CNOT6: variants seen among roughly 807,000 people sequenced by gnomAD.
The protein encoded by CNOT6 is CCR4-NOT transcription complex subunit 6, also known as carbon catabolite repression 4 protein.
A neutral mutation model predicts 61.2 loss-of-function variants in CNOT6; 12 were observed. The ratio of observed to expected loss-of-function variants is 0.20; its 90% CI spans 0.13 to 0.32. The LOEUF is 0.32. Ranked by LOEUF, CNOT6 falls within the 10% of genes least tolerant of loss-of-function variation. The pLI, the probability that CNOT6 is intolerant of heterozygous loss-of-function variation, is 1.00. For missense variants in CNOT6, 405 were observed against 663.9 expected (o/e 0.61, Z 4.28); for synonymous variants, 225 against 240.6 (o/e 0.94, Z 0.60).
chr5:180,510,486 T>G (rs1490218310), intron 1 of CNOT6, among the ~76,000 whole-genome samples: 1 of 152,130 alleles, frequency 6.6e-6, no homozygotes, highest in African/African-American at 2.4e-5. Flanking sequence ...TAAGTGGGTT[T>G]GTTTATACTA....
At chr5:180,500,385 T>C (rs970745248) in intron 1 of CNOT6, among the ~76,000 whole-genome samples, 7 of 152,080 alleles carry the variant, frequency 4.6e-5, no homozygotes, top group Admixed American at 3.9e-4. Flanking sequence ...GTGCTAGGTT[T>C]ATAGGTGTGA....
intron 1 of CNOT6, among the ~76,000 whole-genome samples, chr5:180,520,555 T>C (rs1757834445): frequency 6.6e-6 from 1 of 151,878 alleles, no homozygotes; most frequent in Non-Finnish European, 1.5e-5. Flanking sequence ...GGCAGGAGAA[T>C]CGCTTGAACC....
In CNOT6 at chr5:180,568,546, C is replaced by T. The variant is rs143440465; in HGVS notation, c.1027+543C>T. The stretch of plus-strand genomic sequence containing the variant: ...CAACCTGGGTGACAGAGTGAGACTC[C>T]TCAAAAAATAAATAAATAAATAAAT... On this transcript the variant is annotated intron_variant, in intron 9 of 11. Transcript: ENST00000261951. Among the ~76,000 whole-genome samples, 1,045 of 150,082 alleles carry T rather than the reference C, an allele frequency of 7.0e-3. 13 individuals are homozygous for T. Among genetic ancestry groups the T allele is most frequent in the African/African-American group, 0.024 (999 of 40,992 alleles).
At chr5:180,501,520 T>G (rs1264260528) in intron 1 of CNOT6, among the ~76,000 whole-genome samples, 1 of 152,208 alleles carries the variant, frequency 6.6e-6, no homozygotes, top group East Asian at 1.9e-4. Flanking sequence ...TTGATAGATT[T>G]GGTCATTGTA....
At chr5:180,549,171 A>G (rs989778934) in intron 2 of CNOT6, among the ~76,000 whole-genome samples, 3 of 152,192 alleles carry the variant, frequency 2.0e-5, no homozygotes, top group Non-Finnish European at 4.4e-5. Flanking sequence ...AAACTCAGCT[A>G]AGAGTACCTT....
chr5:180,569,110 C>T lies in CNOT6; in HGVS notation c.1028C>T (p.Ser343Phe). Residue 343 changes from serine to phenylalanine, a missense_variant and splice_region_variant, in exon 10 of 12, where the codon TCC becomes TTC. Physicochemically the swap from Ser to Phe is radical, Grantham distance 155. Coordinates refer to ENST00000261951, the MANE Select transcript of CNOT6 (RefSeq NM_001370472.1). ...TTTGTTTCGTTTTTATCTAATGTAG[C>T]CGGAAAGCCACATCTTGGAACAGAA... Reference protein sequence around the residue: ...ELRKESIEMPSGKPHLGTEKQ... With the variant: ...ELRKESIEMPFGKPHLGTEKQ... 1 of 1,610,450 alleles carries T rather than the reference C, an allele frequency of 6.2e-7. No individual in the cohort carries two copies. Among genetic ancestry groups the T allele is most frequent in the Admixed American group, 1.7e-5 (1 of 59,812 alleles).
intron 6 of CNOT6, 143 bp downstream of exon 6, chr5:180,564,886 C>G (rs10479472): frequency 3.1e-6 from 2 of 652,792 alleles, no homozygotes; most frequent in African/African-American, 3.7e-5. Context: ...AAAAAGAATT[C>G]TTGCTCACAT....
chr5:180,526,732 C>G (rs1446607385), intron 1 of CNOT6, among the ~76,000 whole-genome samples: 1 of 152,016 alleles, frequency 6.6e-6, no homozygotes, highest in Non-Finnish European at 1.5e-5. Flanking sequence ...TTGGTTAAAC[C>G]AGGATTATGA....
At chr5:180,551,152 T>C (rs1165894225) in intron 3 of CNOT6, among the ~76,000 whole-genome samples, 1 of 150,628 alleles carries the variant, frequency 6.6e-6, no homozygotes. Flanking sequence ...CAGACCAGTC[T>C]GGTCAACATA....
At chr5:180,545,458 G>A (rs1759267877) in intron 2 of CNOT6, among the ~76,000 whole-genome samples, 1 of 151,932 alleles carries the variant, frequency 6.6e-6, no homozygotes, top group Non-Finnish European at 1.5e-5. Context: ...TGGACACCTT[G>A]CATTTTTTTT....
At chr5:180,532,276 A>T (rs898297490) in intron 2 of CNOT6, among the ~76,000 whole-genome samples, 1 of 152,148 alleles carries the variant, frequency 6.6e-6, no homozygotes, top group Non-Finnish European at 1.5e-5. Flanking sequence ...TTTTTGCATT[A>T]CAATTCCTTT....
intron 1 of CNOT6, among the ~76,000 whole-genome samples, chr5:180,505,876 A>G (rs1249151769): frequency 6.6e-6 from 1 of 152,108 alleles, no homozygotes; most frequent in Admixed American, 6.5e-5. Context: ...AAGACTGCAA[A>G]AGGGTCCCGA....
Position 180,571,226 on chromosome 5 carries a change from G to T in CNOT6, c.1259-4G>T. 2 of 1,606,072 alleles carry T rather than the reference G, an allele frequency of 1.2e-6. No homozygotes were observed. Among genetic ancestry groups the T allele is most frequent in the Non-Finnish European group, 1.7e-6 (2 of 1,174,130 alleles). ...GACAATAAAAAAATTTGTCTTCATT[G>T]TAGGTGTTGTAGAATATTTGAGCAC... On this transcript the variant is annotated splice_polypyrimidine_tract_variant and splice_region_variant and intron_variant, in intron 10 of 11. Transcript: ENST00000261951.
chr5:180,552,645 CA>C (rs372136116), intron 3 of CNOT6, among the ~76,000 whole-genome samples: 56 of 134,634 alleles, frequency 4.2e-4, no homozygotes, highest in African/African-American at 4.9e-4. Context: ...GACTCCGTCT[CA>C]AAAAAAAAAA....
chr5:180,574,394 A>G lies in CNOT6; in HGVS notation c.*194A>G. The G allele has an allele frequency of 1.7e-6, 1 of 600,932 alleles. No individual in the cohort carries two copies. Among genetic ancestry groups the G allele is most frequent in the South Asian group, 2.0e-5 (1 of 50,508 alleles). 37.2% of individuals were successfully genotyped at this position (600,932 alleles called of 1,614,324 possible). A position where few individuals can be genotyped will look rare whatever the true frequency, so the allele number is the denominator to read the frequency against. On this transcript the variant is annotated 3_prime_UTR_variant, in exon 12 of 12. Coordinates refer to ENST00000261951, the MANE Select transcript of CNOT6 (RefSeq NM_001370472.1). ...ACAAATTCTGAGCCCAATATGCTTT[A>G]TACTGCTAGACAGGGATTGGTGTGT...
chr5:180,546,706 G>A (rs1017681781), intron 2 of CNOT6, among the ~76,000 whole-genome samples: 26 of 152,118 alleles, frequency 1.7e-4, no homozygotes, highest in African/African-American at 6.0e-4. Context: ...TTCTGTTAAT[G>A]TAGATTTCCA....
chr5:180,571,010 A>C (rs1760721983), intron 10 of CNOT6, among the ~76,000 whole-genome samples: 2 of 152,230 alleles, frequency 1.3e-5, no homozygotes, highest in Admixed American at 1.3e-4. Context: ...TTAAAGAACG[A>C]TAATTGGGAA....
intron 11 of CNOT6, 34 bp from the exon 12 acceptor site, chr5:180,573,954 T>TA: frequency 2.1e-6 from 3 of 1,425,670 alleles, no homozygotes; most frequent in Non-Finnish European, 3.0e-6. Flanking sequence ...TGTTGTCTTA[T>TA]ACGGTGCTTA....
rs57361213 is a variant in CNOT6, at chr5:180,521,008, A to G, written c.-2-8267A>G. On this transcript the variant is annotated intron_variant, in intron 1 of 11. Coordinates refer to ENST00000261951, the MANE Select transcript of CNOT6 (RefSeq NM_001370472.1). ...TATGGGCACCCGCCACCACACCCAG[A>G]TAATTTTTGTATTTTTGGTAGAGAC... Among the ~76,000 whole-genome samples, 227 of 151,808 alleles carry G rather than the reference A, an allele frequency of 1.5e-3. 3 individuals are homozygous for G. Among genetic ancestry groups the G allele is most frequent in the African/African-American group, 5.0e-3 (209 of 41,452 alleles).
Sources: allele counts gnomAD v4.1 joint callset (sites outside exome capture counted in the v4.1 genomes callset), GRCh38; gene constraint gnomAD v4.1.1; transcripts MANE v1.5; gene names NCBI Gene and HGNC (gene_info 2026-07-23, HGNC 2026-07-21).